The following LHPP variants were observed in gnomAD, a reference collection of about 807,000 sequenced individuals.
The protein encoded by LHPP is hLHPP.
A neutral mutation model predicts 30.3 loss-of-function variants in LHPP; 24 were observed. The observed-to-expected ratio is 0.79, with a 90% CI of 0.57 to 1.11. The LOEUF (loss-of-function observed/expected upper bound fraction) is 1.11. LHPP is among the 50% of genes most tolerant of loss of function. The probability of loss-of-function intolerance (pLI) is 0.00; values close to 1 mark genes in which losing one functional copy is unlikely to be tolerated. For missense variants in LHPP, 356 were observed against 367.2 expected (o/e 0.97, Z 0.25); for synonymous variants, 150 against 157.1 (o/e 0.95, Z 0.34).
intron 6 of LHPP, among the ~76,000 whole-genome samples, chr10:124,555,890 C>T (rs1948290091): frequency 6.6e-6 from 1 of 152,150 alleles, no homozygotes; most frequent in Non-Finnish European, 1.5e-5. Context: ...CCCAAGTCCT[C>T]AGGCCATATT....
chr10:124,564,402 C>T (rs939016146), intron 6 of LHPP, among the ~76,000 whole-genome samples: 6 of 151,774 alleles, frequency 4.0e-5, no homozygotes, highest in East Asian at 3.9e-4. Flanking sequence ...GGATTGCAGG[C>T]GTGAGCCACC....
intron 6 of LHPP, among the ~76,000 whole-genome samples, chr10:124,537,402 A>G (rs1274782240): frequency 6.6e-6 from 1 of 152,238 alleles, no homozygotes; most frequent in Non-Finnish European, 1.5e-5. Flanking sequence ...ATCAGGGATC[A>G]GAGATAGCGG....
At position 124,486,350 on chromosome 10, in the gene LHPP, A is replaced by G. The variant is rs76139626; in HGVS notation, c.313+2024A>G. Among the ~76,000 whole-genome samples the G allele has an allele frequency of 6.2e-3, 946 of 152,284 alleles. 9 individuals carry two copies. The highest frequency in any genetic ancestry group is 0.011 in the Non-Finnish European group (746 of 68,028). On this transcript the variant is annotated intron_variant, in intron 2 of 6. Transcript: ENST00000368842. ...TTTCCTATTCTAGAATTTTATGTAA[A>G]TAGAATCATACAGTATATAATTGTG...
chr10:124,559,803 T>C (rs1487184745), intron 6 of LHPP, among the ~76,000 whole-genome samples: 2 of 152,270 alleles, frequency 1.3e-5, no homozygotes, highest in African/African-American at 4.8e-5. Flanking sequence ...AGGCCTTCCC[T>C]TGCAGGCCTT....
At chr10:124,507,906 C>G (rs564148771) in intron 5 of LHPP, among the ~76,000 whole-genome samples, 1 of 94,988 alleles carries the variant, frequency 1.1e-5, no homozygotes, top group African/African-American at 4.8e-5. Context: ...GGGGGGTAGA[C>G]AGGATTTCAG....
At chr10:124,504,154 TG>T (rs1356311163) in intron 5 of LHPP, among the ~76,000 whole-genome samples, 1 of 152,080 alleles carries the variant, frequency 6.6e-6, no homozygotes, top group Non-Finnish European at 1.5e-5. Flanking sequence ...ATCCTGCCAC[TG>T]CACTCCAGCC....
intron 6 of LHPP, among the ~76,000 whole-genome samples, chr10:124,525,394 A>T (rs1954707828): frequency 6.6e-6 from 1 of 152,168 alleles, no homozygotes; most frequent in Admixed American, 6.5e-5. Context: ...ACTTGACCAG[A>T]TGAGGCCAGA....
intron 6 of LHPP, among the ~76,000 whole-genome samples, chr10:124,543,012 C>G (rs906605272): frequency 6.6e-6 from 1 of 152,284 alleles, no homozygotes; most frequent in Non-Finnish European, 1.5e-5. Context: ...CTGCGTGTGC[C>G]CTGTGAGTGG....
chr10:124,555,246 G>A (rs939602097), intron 6 of LHPP, among the ~76,000 whole-genome samples: 1 of 152,220 alleles, frequency 6.6e-6, no homozygotes, highest in Non-Finnish European at 1.5e-5. Context: ...GAACAGGCAG[G>A]GTGGGCGAAC....
At chr10:124,553,132 A>G (rs2133961411) in intron 6 of LHPP, among the ~76,000 whole-genome samples, 1 of 152,250 alleles carries the variant, frequency 6.6e-6, no homozygotes, top group East Asian at 1.9e-4. Context: ...GCACCCAGGG[A>G]CTCTGATCAG....
At chr10:124,569,180 C>T (rs1948544551) in intron 6 of LHPP, among the ~76,000 whole-genome samples, 1 of 152,166 alleles carries the variant, frequency 6.6e-6, no homozygotes, top group African/African-American at 2.4e-5. Context: ...TTTCTTCTGC[C>T]CAGAGGGAGC....
chr10:124,497,257 CCTCCCCAT>C (rs1953747551), intron 4 of LHPP, among the ~76,000 whole-genome samples: 1 of 80,104 alleles, frequency 1.2e-5, no homozygotes, highest in Admixed American at 1.2e-4. Flanking sequence ...TCCTCCCCAT[CCTCCCCAT>C]CCTCCCCATC....
chr10:124,613,274 G>C lies in LHPP; in HGVS notation c.727G>C (p.Glu243Gln). 1 of 1,613,244 alleles carries C rather than the reference G, an allele frequency of 6.2e-7. No homozygotes were observed. The highest frequency in any genetic ancestry group is 1.1e-5 in the South Asian group (1 of 91,082). ...VRTGKFRPSD[E>Q]HHPEVKADGY... ...GGCCATCCTCTCCAGGCCCAGTGACGAGCACCATCCGGAAGTGAAGGCTGA... is the reference window on the plus strand; with the variant it reads ...GGCCATCCTCTCCAGGCCCAGTGACCAGCACCATCCGGAAGTGAAGGCTGA... The change falls in exon 7 of 7, where the codon GAG becomes CAG. Residue 243 changes from glutamate (E) to glutamine (Q), a missense_variant. By Grantham distance (29) the Glu-to-Gln change is conservative. Transcript: ENST00000368842.
At chr10:124,470,752 C>T (rs546943142) in intron 1 of LHPP, among the ~76,000 whole-genome samples, 6 of 152,242 alleles carry the variant, frequency 3.9e-5, no homozygotes, top group South Asian at 2.1e-4. Flanking sequence ...CCCCCACACG[C>T]GGTGTGGCAC....
chr10:124,568,477 C>A (rs1306130980), intron 6 of LHPP, among the ~76,000 whole-genome samples: 9 of 152,190 alleles, frequency 5.9e-5, no homozygotes, highest in Admixed American at 5.9e-4. Context: ...GATGAGGCCC[C>A]TTTCGAGTCT....
Position 124,573,308 on chromosome 10 carries a change from C to G in LHPP, c.717-39956C>G, listed in dbSNP as rs74848029. On this transcript the variant is annotated intron_variant, in intron 6 of 6. Transcript: ENST00000368842. ...TGGTACCCACACTATTCATGAGACA[C>G]CAGACTTTATTTGGATTTTTTTCTT... Among the ~76,000 whole-genome samples, 981 of 152,286 alleles carry G rather than the reference C, an allele frequency of 6.4e-3. 8 individuals are homozygous for G. The highest frequency in any genetic ancestry group is 0.023 in the African/African-American group (948 of 41,556).
chr10:124,562,605 G>A (rs1475088123), intron 6 of LHPP, among the ~76,000 whole-genome samples: 1 of 152,148 alleles, frequency 6.6e-6, no homozygotes, highest in Non-Finnish European at 1.5e-5. Flanking sequence ...GCAATTTAAA[G>A]CCACAATGAG....
chr10:124,524,678 C>CAA (rs1401961122), intron 6 of LHPP, among the ~76,000 whole-genome samples: 1 of 151,964 alleles, frequency 6.6e-6, no homozygotes, highest in African/African-American at 2.4e-5. Flanking sequence ...TATTAAAAAT[C>CAA]AAAATTAGCC....
At chr10:124,540,993 G>A (rs1955170150) in intron 6 of LHPP, among the ~76,000 whole-genome samples, 1 of 152,198 alleles carries the variant, frequency 6.6e-6, no homozygotes, top group Non-Finnish European at 1.5e-5. Flanking sequence ...ATGTTTTAAT[G>A]TTTTTTCTCA....
Sources: allele counts gnomAD v4.1 joint callset (sites outside exome capture counted in the v4.1 genomes callset), GRCh38; gene constraint gnomAD v4.1.1; transcripts MANE v1.5; gene names NCBI Gene and HGNC (gene_info 2026-07-23, HGNC 2026-07-21).